The following HS3ST4 variants were observed in gnomAD, a reference collection of about 807,000 sequenced individuals.
HS3ST4 encodes the protein heparan sulfate glucosamine 3-O-sulfotransferase 4.
In HS3ST4, 17 loss-of-function variants were observed where a neutral mutation model predicts 29.2. The observed-to-expected ratio is 0.58, with a 90% confidence interval of 0.40 to 0.87. HS3ST4 has a LOEUF of 0.87. Among genes scored for constraint, HS3ST4 ranks in the 40% least tolerant of loss-of-function variants. The pLI is 0.00. For synonymous variants in HS3ST4, 314 were observed against 285.7 expected (o/e 1.10, Z -1.00); for missense variants, 627 against 634.5 (o/e 0.99, Z 0.13).
chr16:26,057,445 G>A (rs1486696904), intron 1 of HS3ST4, among the ~76,000 whole-genome samples: 1 of 152,158 alleles, frequency 6.6e-6, no homozygotes, highest in Non-Finnish European at 1.5e-5. Flanking sequence ...AGGAAGAAGT[G>A]ATGTGTATCA....
rs562035410 is a variant in HS3ST4 at position 25,811,558 on chromosome 16, C to T, written c.734+118407C>T. On this transcript the variant is annotated intron_variant, in intron 1 of 1. Coordinates refer to ENST00000331351, the MANE Select transcript of HS3ST4 (RefSeq NM_006040.3). Reference sequence around the variant, plus strand: ...AAGTGATTCTCCTGCCTCAGCCTCCCGAGTAGCTGGGATTACAGGCATGTC... The same window carrying T: ...AAGTGATTCTCCTGCCTCAGCCTCCTGAGTAGCTGGGATTACAGGCATGTC... Among the ~76,000 whole-genome samples the T allele has an allele frequency of 4.6e-5, 7 of 151,530 alleles. No individual in the cohort carries two copies. In the East Asian group the frequency reaches 1.4e-3, roughly 29 times the overall value.
chr16:25,969,486 A>G (rs1968875760), intron 1 of HS3ST4, among the ~76,000 whole-genome samples: 2 of 152,232 alleles, frequency 1.3e-5, no homozygotes, highest in South Asian at 4.1e-4. Flanking sequence ...AAGTGTGCGT[A>G]TAAAAGTTCA....
chr16:25,836,254 G>C (rs1967355287), intron 1 of HS3ST4, among the ~76,000 whole-genome samples: 1 of 152,142 alleles, frequency 6.6e-6, no homozygotes, highest in African/African-American at 2.4e-5. Context: ...CATGCATAGG[G>C]GTTCAAATGG....
chr16:25,950,492 G>GATGA (rs1968672130), intron 1 of HS3ST4, among the ~76,000 whole-genome samples: 1 of 152,070 alleles, frequency 6.6e-6, no homozygotes, highest in Non-Finnish European at 1.5e-5. Flanking sequence ...TGGTCGGATG[G>GATGA]ATGAATGAAT....
At chr16:25,930,825 G>A (rs1004802114) in intron 1 of HS3ST4, among the ~76,000 whole-genome samples, 2 of 152,138 alleles carry the variant, frequency 1.3e-5, no homozygotes, top group African/African-American at 4.8e-5. Context: ...ATGTCCGGGT[G>A]CTGGCCCTCA....
At chr16:26,002,004 G>T (rs188599140) in intron 1 of HS3ST4, among the ~76,000 whole-genome samples, 1 of 152,140 alleles carries the variant, frequency 6.6e-6, no homozygotes, top group Non-Finnish European at 1.5e-5. Flanking sequence ...AACAAGCCAC[G>T]TTGTCTGCTT....
At chr16:25,694,932 A>G (rs7190327) in intron 1 of HS3ST4, among the ~76,000 whole-genome samples, 40,837 of 151,922 alleles carry the variant, frequency 0.27, 5,739 homozygotes, top group South Asian at 0.4. Context: ...AATAAAGTTA[A>G]TGAAGGATGT....
chr16:25,741,365 T>TAAAAAAAAAAAAAAAAAA (rs66788248), intron 1 of HS3ST4, among the ~76,000 whole-genome samples: 1 of 66,186 alleles, frequency 1.5e-5, no homozygotes, highest in African/African-American at 6.1e-5. Flanking sequence ...GAATTCAAGG[T>TAAAAAAAAAAAAAAAAAA]AAAAAAAAAA....
At chr16:25,746,088 A>G (rs938589064) in intron 1 of HS3ST4, among the ~76,000 whole-genome samples, 5 of 152,220 alleles carry the variant, frequency 3.3e-5, no homozygotes, top group South Asian at 2.1e-4. Flanking sequence ...CCATGGATTT[A>G]CCTGTTGATT....
chr16:25,788,577 G>T (rs1280645226), intron 1 of HS3ST4, among the ~76,000 whole-genome samples: 4 of 92,822 alleles, frequency 4.3e-5, no homozygotes, highest in African/African-American at 1.8e-4. Flanking sequence ...GTCTTGGTCT[G>T]TTGCCCGGGC....
chr16:26,119,084 A>G (rs1899237546), intron 1 of HS3ST4, among the ~76,000 whole-genome samples: 1 of 152,240 alleles, frequency 6.6e-6, no homozygotes, highest in Admixed American at 6.5e-5. Context: ...TTAAAAAACT[A>G]AAGCACAGGG....
At chr16:26,015,437 G>A (rs1291464574) in intron 1 of HS3ST4, among the ~76,000 whole-genome samples, 3 of 152,214 alleles carry the variant, frequency 2.0e-5, no homozygotes, top group African/African-American at 4.8e-5. Flanking sequence ...CAATATGTGT[G>A]TAGTGTTGCC....
At chr16:26,124,650 G>C (rs1427158678) in intron 1 of HS3ST4, among the ~76,000 whole-genome samples, 1 of 152,202 alleles carries the variant, frequency 6.6e-6, no homozygotes, top group Non-Finnish European at 1.5e-5. Context: ...ACTCTTCTGA[G>C]CACCAGAGAA....
At chr16:26,027,797 T>G (rs984291211) in intron 1 of HS3ST4, among the ~76,000 whole-genome samples, 1 of 152,142 alleles carries the variant, frequency 6.6e-6, no homozygotes, top group Non-Finnish European at 1.5e-5. Context: ...TAGGAGAAGT[T>G]TAATACTTGT....
chr16:25,828,184 C>G (rs1462999715), intron 1 of HS3ST4, among the ~76,000 whole-genome samples: 3 of 136,998 alleles, frequency 2.2e-5, no homozygotes, highest in African/African-American at 8.0e-5. Flanking sequence ...CTCTCTTTCT[C>G]TTTCTTTCTT....
intron 1 of HS3ST4, among the ~76,000 whole-genome samples, chr16:26,033,237 T>C (rs1969549192): frequency 6.6e-6 from 1 of 151,956 alleles, no homozygotes; most frequent in Non-Finnish European, 1.5e-5. Flanking sequence ...ATTAGCAGGC[T>C]GGGCATGGTG....
chr16:26,072,265 G>A (rs750964353), intron 1 of HS3ST4, among the ~76,000 whole-genome samples: 4 of 152,154 alleles, frequency 2.6e-5, no homozygotes, highest in South Asian at 4.1e-4. Context: ...TTCAGACTCC[G>A]TAGGATTCTA....
chr16:25,723,305 A>T (rs1966509598), intron 1 of HS3ST4, among the ~76,000 whole-genome samples: 1 of 152,224 alleles, frequency 6.6e-6, no homozygotes, highest in Admixed American at 6.5e-5. Flanking sequence ...TATAGAATAT[A>T]TGGACAAGTT....
chr16:25,956,324 T>G (rs1483462308), intron 1 of HS3ST4, among the ~76,000 whole-genome samples: 2 of 152,234 alleles, frequency 1.3e-5, no homozygotes, highest in Non-Finnish European at 2.9e-5. Flanking sequence ...ACTTCAAGGC[T>G]ATAGCAGCCC....
Sources: gnomAD v4.1 joint callset for allele counts (sites outside exome capture counted in the v4.1 genomes callset) on GRCh38, gnomAD v4.1.1 for gene constraint, MANE v1.5 for transcripts, NCBI Gene and HGNC (gene_info 2026-07-23, HGNC 2026-07-21) for gene names.